RGS7: variants seen among roughly 807,000 people sequenced by gnomAD.
RGS7 encodes the protein regulator of G-protein signaling 7.
Under a neutral mutation model 81.1 loss-of-function variants are expected in RGS7, and 27 were observed. The observed-to-expected ratio is 0.33, with a 90% CI of 0.25 to 0.46. The LOEUF (loss-of-function observed/expected upper bound fraction) is 0.46. Among genes scored for constraint, RGS7 ranks in the 20% least tolerant of loss-of-function variants. The probability of loss-of-function intolerance (pLI) is 1.00; values close to 1 mark genes in which losing one functional copy is unlikely to be tolerated. For missense variants in RGS7, 396 were observed against 607.4 expected (o/e 0.65, Z 3.66); for synonymous variants, 208 against 207.7 (o/e 1.00, Z -0.01).
At chr1:241,278,491 G>A (rs778758209) in intron 2 of RGS7, among the ~76,000 whole-genome samples, 2 of 152,102 alleles carry the variant, frequency 1.3e-5, no homozygotes, top group Admixed American at 6.6e-5. Context: ...TGTTTCAGGC[G>A]CAGCCATTGT....
At chr1:240,929,410 T>C (rs1274594553) in intron 6 of RGS7, among the ~76,000 whole-genome samples, 1 of 152,226 alleles carries the variant, frequency 6.6e-6, no homozygotes, top group East Asian at 1.9e-4. Context: ...ATGAAGAAAC[T>C]GGCATTCTCA....
chr1:241,089,023 C>A (rs867559072), intron 3 of RGS7, among the ~76,000 whole-genome samples: 3 of 23,934 alleles, frequency 1.3e-4, no homozygotes, highest in African/African-American at 6.7e-4. Context: ...AAGACTCCAT[C>A]TCTCTCTCTC....
intron 6 of RGS7, among the ~76,000 whole-genome samples, chr1:240,899,100 T>A (rs542498105): frequency 4.3e-4 from 65 of 150,980 alleles, no homozygotes; most frequent in African/African-American, 1.6e-3. Context: ...AGACTAGGAT[T>A]GCAATCCTTG....
chr1:241,045,213 C>T (rs2060853659), intron 3 of RGS7, among the ~76,000 whole-genome samples: 1 of 152,112 alleles, frequency 6.6e-6, no homozygotes, highest in South Asian at 2.1e-4. Context: ...TCTTCTAATT[C>T]CTTGAGTGTG....
intron 2 of RGS7, among the ~76,000 whole-genome samples, chr1:241,314,726 A>G (rs2080761396): frequency 6.6e-6 from 1 of 152,204 alleles, no homozygotes; most frequent in Non-Finnish European, 1.5e-5. Flanking sequence ...TGGTAAAAGA[A>G]GTAGAGCTGT....
intron 3 of RGS7, among the ~76,000 whole-genome samples, chr1:241,038,853 G>T (rs192471553): frequency 3.9e-5 from 6 of 152,236 alleles, no homozygotes; most frequent in Non-Finnish European, 8.8e-5. Flanking sequence ...TGTAGTCCTA[G>T]CTACCCAGAA....
chr1:241,071,873 T>TTAAAAAAAAAAAA (rs2062471903), intron 3 of RGS7, among the ~76,000 whole-genome samples: 1 of 4,002 alleles, frequency 2.5e-4, no homozygotes, highest in Non-Finnish European at 4.3e-4. Context: ...TGAGACCCTG[T>TTAAAAAAAAAAAA]CAAAAAAAAA....
intron 3 of RGS7, among the ~76,000 whole-genome samples, chr1:241,016,784 A>G (rs1405475704): frequency 2.6e-5 from 4 of 152,196 alleles, no homozygotes; most frequent in African/African-American, 7.2e-5. Flanking sequence ...CAATCTGCCA[A>G]TCTCTACCTT....
intron 2 of RGS7, among the ~76,000 whole-genome samples, chr1:241,173,346 G>A (rs1437316374): frequency 6.6e-6 from 1 of 152,222 alleles, no homozygotes; most frequent in African/African-American, 2.4e-5. Flanking sequence ...TCATGGAGTT[G>A]TTATAAATAT....
intron 9 of RGS7, among the ~76,000 whole-genome samples, chr1:240,847,479 G>T (rs1421073096): frequency 6.6e-6 from 1 of 152,152 alleles, no homozygotes; most frequent in Non-Finnish European, 1.5e-5. Flanking sequence ...ATAGCTGTGT[G>T]AGTTATCTTG....
chr1:241,031,787 T>C (rs1334694980), intron 3 of RGS7, among the ~76,000 whole-genome samples: 6 of 152,190 alleles, frequency 3.9e-5, no homozygotes, highest in Non-Finnish European at 8.8e-5. Flanking sequence ...TTGAAAAATG[T>C]CTGTTTGTGC....
chr1:241,127,144 G>A (rs1199389975), intron 2 of RGS7, among the ~76,000 whole-genome samples: 1 of 152,170 alleles, frequency 6.6e-6, no homozygotes, highest in Non-Finnish European at 1.5e-5. Flanking sequence ...AATTCTGCTT[G>A]ATACTATCAG....
intron 2 of RGS7, among the ~76,000 whole-genome samples, chr1:241,316,251 G>A (rs1173895268): frequency 1.3e-5 from 2 of 152,166 alleles, no homozygotes; most frequent in East Asian, 3.9e-4. Context: ...TCTGAACCCA[G>A]GTTTTGGGGG....
chr1:241,329,923 T>G (rs2081862571), intron 2 of RGS7, among the ~76,000 whole-genome samples: 1 of 152,080 alleles, frequency 6.6e-6, no homozygotes, highest in African/African-American at 2.4e-5. Flanking sequence ...TTTCTTTGTT[T>G]TTTTTTTGTT....
At chr1:241,069,280 T>C (rs1222403270) in intron 3 of RGS7, among the ~76,000 whole-genome samples, 1 of 152,216 alleles carries the variant, frequency 6.6e-6, no homozygotes, top group Non-Finnish European at 1.5e-5. Context: ...AATAAGAAAT[T>C]AGCAATTGAT....
chr1:241,094,090 AACCCAG>A (rs1453631178), intron 3 of RGS7, among the ~76,000 whole-genome samples: 8 of 152,198 alleles, frequency 5.3e-5, no homozygotes, highest in African/African-American at 1.9e-4. Context: ...AGCTACCAGT[AACCCAG>A]TACTCTCTGC....
intron 10 of RGS7, among the ~76,000 whole-genome samples, chr1:240,822,510 G>A (rs1417362588): frequency 1.3e-5 from 2 of 152,062 alleles, no homozygotes; most frequent in Admixed American, 1.3e-4. Context: ...TACAAAGTCT[G>A]GGTTTCTTCC....
chr1:241,295,444 C>A (rs1437542125), intron 2 of RGS7, among the ~76,000 whole-genome samples: 2 of 148,698 alleles, frequency 1.3e-5, no homozygotes. Flanking sequence ...CAGAGCAAGA[C>A]TCTGTCTCAA....
intron 2 of RGS7, among the ~76,000 whole-genome samples, chr1:241,221,038 G>GAAGGA (rs1491172158): frequency 1.4e-5 from 1 of 73,888 alleles, no homozygotes; most frequent in East Asian, 7.2e-4. Context: ...AGGAAGGAAG[G>GAAGGA]AAAAGAAAGA....
Sources: gnomAD v4.1 joint callset for allele counts (sites outside exome capture counted in the v4.1 genomes callset) on GRCh38, gnomAD v4.1.1 for gene constraint, MANE v1.5 for transcripts, NCBI Gene and HGNC (gene_info 2026-07-23, HGNC 2026-07-21) for gene names.